Variants in CENPQ observed in about 807,000 individuals in gnomAD.
CENPQ encodes the protein centromere protein Q.
A neutral mutation model predicts 36.6 loss-of-function variants in CENPQ; 27 were observed. That is an observed-to-expected ratio of 0.74 (90% CI 0.54 to 1.02). The LOEUF is 1.02. Among genes scored for constraint, CENPQ ranks in the 50% least tolerant of loss-of-function variants. The pLI, the probability that CENPQ is intolerant of heterozygous loss-of-function variation, is 0.00. For synonymous variants in CENPQ, 101 were observed against 101.7 expected (o/e 0.99, Z 0.04); for missense variants, 306 against 301.8 (o/e 1.01, Z -0.10).
intron 1 of CENPQ, among the ~76,000 whole-genome samples, chr6:49,466,654 G>A (rs1026096180): frequency 6.6e-6 from 1 of 152,104 alleles, no homozygotes; most frequent in East Asian, 1.9e-4. Context: ...ATTTTTATAT[G>A]CACTGTGAGT....
intron 5 of CENPQ, among the ~76,000 whole-genome samples, chr6:49,473,325 T>C (rs1309844166): frequency 6.6e-6 from 1 of 152,210 alleles, no homozygotes; most frequent in Non-Finnish European, 1.5e-5. Context: ...TGGAGATTTC[T>C]TCTCAGGAGT....
chr6:49,464,305 A>G (rs1767944640), intron 1 of CENPQ, among the ~76,000 whole-genome samples: 1 of 152,130 alleles, frequency 6.6e-6, no homozygotes. Flanking sequence ...AAAATATTTT[A>G]TTGCTAAAAA....
chr6:49,488,958 G>A (rs368937911), intron 8 of CENPQ, among the ~76,000 whole-genome samples: 1 of 151,982 alleles, frequency 6.6e-6, no homozygotes, highest in Non-Finnish European at 1.5e-5. Flanking sequence ...CCTTCAGCAG[G>A]TCGTAATCTT....
chr6:49,469,152 G>T (rs1469659238), intron 1 of CENPQ, among the ~76,000 whole-genome samples: 1 of 152,114 alleles, frequency 6.6e-6, no homozygotes, highest in Non-Finnish European at 1.5e-5. Flanking sequence ...CCAGTCTTGT[G>T]TGGAGGGGAG....
At chr6:49,483,732 G>T (rs114388734) in intron 6 of CENPQ, among the ~76,000 whole-genome samples, 5 of 152,198 alleles carry the variant, frequency 3.3e-5, no homozygotes, top group Admixed American at 2.6e-4. Context: ...CTAAACCCAC[G>T]CCCACCTGGA....
chr6:49,472,368 T>C (rs1768162536), intron 4 of CENPQ, among the ~76,000 whole-genome samples, 185 bp downstream of exon 4: 1 of 152,186 alleles, frequency 6.6e-6, no homozygotes, highest in Non-Finnish European at 1.5e-5. Context: ...TTTAGAAACC[T>C]GAAATTCCAT....
chr6:49,482,366 C>T (rs924249004), intron 6 of CENPQ, among the ~76,000 whole-genome samples: 1 of 152,176 alleles, frequency 6.6e-6, no homozygotes, highest in African/African-American at 2.4e-5. Context: ...GCAAGGGCTG[C>T]CAGCACGCTG....
chr6:49,488,998 T>C (rs536767551), intron 8 of CENPQ, among the ~76,000 whole-genome samples: 2 of 152,316 alleles, frequency 1.3e-5, no homozygotes, highest in African/African-American at 4.8e-5. Flanking sequence ...GCCTCAATGT[T>C]GATGGCTGCT....
rs1241657776 is a variant in CENPQ at position 49,471,972 on chromosome 6, A to G, written c.158-91A>G. On this transcript the variant is annotated intron_variant, in intron 3 of 8. Coordinates refer to ENST00000335783, the MANE Select transcript of CENPQ (RefSeq NM_018132.4). ...TATAATATTTTGTTCTGATAATTTC[A>G]TAAGCTTTTTTAGATGAAAACATTC... The G allele has an allele frequency of 1.6e-4, 222 of 1,386,150 alleles. 1 individual carries two copies. The highest frequency in any genetic ancestry group is 2.1e-4 in the Non-Finnish European group (216 of 1,035,426). The allele number at this position is 1,386,150 out of a possible 1,614,324, so 85.9% of individuals were successfully genotyped here.
intron 4 of CENPQ, 45 bp from the exon 5 acceptor site, chr6:49,472,745 T>C (rs1768172310): frequency 1.5e-6 from 2 of 1,365,758 alleles, no homozygotes; most frequent in East Asian, 2.8e-5. Context: ...AGTATATGAT[T>C]TGTGCATCAG....
At chr6:49,465,632 T>C (rs1018563843) in intron 1 of CENPQ, among the ~76,000 whole-genome samples, 2 of 152,268 alleles carry the variant, frequency 1.3e-5, no homozygotes, top group Non-Finnish European at 2.9e-5. Flanking sequence ...TTTCATGTTA[T>C]GCAGATAGCT....
At chr6:49,472,909 G>T in intron 5 of CENPQ, 51 bp downstream of exon 5, 1 of 1,195,448 alleles carries the variant, frequency 8.4e-7, no homozygotes. Flanking sequence ...TTAAAAACCT[G>T]ACTTCTTTCT....
Position 49,488,610 on chromosome 6 carries a change from C to A in CENPQ, c.601C>A (p.His201Asn). 1 of 1,612,236 alleles carries A rather than the reference C, an allele frequency of 6.2e-7. No individual in the cohort carries two copies. The highest frequency in any genetic ancestry group is 1.1e-5 in the South Asian group (1 of 91,010). The change falls in exon 8 of 9, where the codon CAT (histidine) becomes AAT (asparagine). Residue 201 changes from histidine (H) to asparagine (N), a missense_variant. Physicochemically the swap from His to Asn is moderately conservative, Grantham distance 68. Transcript: ENST00000335783. ...EEEEERVKQM[H>N]QINSSGVLSL... The stretch of plus-strand genomic sequence containing the variant: ...CTGTAGCTTTCTTCTACTTTAGATG[C>A]ATCAAATAAATAGTAGTGGAGTACT...
rs114352722 is a variant in CENPQ, at chr6:49,481,419, G to A, written c.477+339G>A. Reference sequence around the variant, plus strand: ...ACGTGTCTGGAATTTGTTCCTCCCGGTGGGTTTCTGGTCTCACTGGCTCAG... The same window carrying A: ...ACGTGTCTGGAATTTGTTCCTCCCGATGGGTTTCTGGTCTCACTGGCTCAG... On this transcript the variant is annotated intron_variant, in intron 6 of 8. Transcript: ENST00000335783. 8.2e-3 allele frequency among the ~76,000 whole-genome samples: 1,243 copies of A among 152,262 alleles called. 16 individuals carry two copies. The highest frequency in any genetic ancestry group is 0.028 in the African/African-American group (1,178 of 41,548).
chr6:49,475,305 C>T lies in CENPQ; in HGVS notation c.347+2447C>T, dbSNP rs537196107. Among the ~76,000 whole-genome samples, 5 of 152,114 alleles carry T rather than the reference C, an allele frequency of 3.3e-5. No individual in the cohort carries two copies. In the East Asian group the frequency reaches 9.7e-4, roughly 29 times the overall value. On this transcript the variant is annotated intron_variant, in intron 5 of 8. Coordinates refer to ENST00000335783, the MANE Select transcript of CENPQ (RefSeq NM_018132.4). ...AATAAACGTAATCCAGCATATAAAC[C>T]AAACCAAAAACAAAAACCACATGAT...
In CENPQ at chr6:49,487,170, TAA is replaced by T. The variant is rs1211869323; in HGVS notation, c.478-1175_478-1174del. On this transcript the variant is annotated intron_variant, in intron 6 of 8. Transcript: ENST00000335783. ...CTCCATCTCAAAAAAAAAAAAAAAATAAAAAAAATAAAAACAGAGTCTGTTCC... is the reference window on the plus strand; with the variant it reads ...CTCCATCTCAAAAAAAAAAAAAAAATAAAAAATAAAAACAGAGTCTGTTCC... 6.9e-4 allele frequency among the ~76,000 whole-genome samples: 3 copies of T among 4,358 alleles called. 1 individual carries two copies. Among genetic ancestry groups the T allele is most frequent in the African/African-American group, 7.8e-4 (3 of 3,864 alleles). 2.9% of individuals were successfully genotyped at this position (4,358 alleles called of 152,430 possible). A position where few individuals can be genotyped will look rare whatever the true frequency, so the allele number is the denominator to read the frequency against.
chr6:49,468,664 G>A (rs1315853104), intron 1 of CENPQ, among the ~76,000 whole-genome samples: 1 of 152,104 alleles, frequency 6.6e-6, no homozygotes, highest in Non-Finnish European at 1.5e-5. Flanking sequence ...AAGCCAGTAA[G>A]CTAGAACAGA....
rs543753681 is a variant in CENPQ, at chr6:49,476,130, A to G, written c.347+3272A>G. ...CGCATTGCCAAGACAATCCTAAGCA[A>G]AAAGAACAAAGCTGGAGGCATCACA... On this transcript the variant is annotated intron_variant, in intron 5 of 8. Transcript: ENST00000335783. Among the ~76,000 whole-genome samples, 13 of 152,334 alleles carry G rather than the reference A, an allele frequency of 8.5e-5. 1 individual carries two copies. The East Asian group carries it at 1.5e-3, about 18-fold the overall frequency.
intron 5 of CENPQ, among the ~76,000 whole-genome samples, chr6:49,480,602 A>G (rs1162228505): frequency 6.6e-6 from 1 of 150,512 alleles, no homozygotes; most frequent in Admixed American, 6.6e-5. Context: ...AATAATTCAC[A>G]ATGTATAATA....
Sources: allele counts gnomAD v4.1 joint callset (sites outside exome capture counted in the v4.1 genomes callset), GRCh38; gene constraint gnomAD v4.1.1; transcripts MANE v1.5; gene names NCBI Gene and HGNC (gene_info 2026-07-23, HGNC 2026-07-21).